Variants in SLC39A11 observed in about 807,000 individuals in gnomAD.
The protein encoded by SLC39A11 is zinc transporter ZIP11.
In SLC39A11, 33 loss-of-function variants were observed where a neutral mutation model predicts 36.1. That is an observed-to-expected ratio of 0.91 (90% CI 0.69 to 1.22). The LOEUF is 1.22. Among genes scored for constraint, SLC39A11 ranks in the 50% most tolerant of loss-of-function variants. SLC39A11 has a pLI of 0.00. For missense variants in SLC39A11, 432 were observed against 430.3 expected (o/e 1.00, Z -0.03); for synonymous variants, 166 against 170.3 (o/e 0.97, Z 0.20).
At chr17:72,733,637 C>T (rs1479303425) in intron 7 of SLC39A11, among the ~76,000 whole-genome samples, 1 of 152,146 alleles carries the variant, frequency 6.6e-6, no homozygotes, top group African/African-American at 2.4e-5. Flanking sequence ...ATGCTGAGGA[C>T]CACATGATTT....
chr17:72,829,867 C>T (rs1030928511), intron 6 of SLC39A11, among the ~76,000 whole-genome samples: 2 of 152,106 alleles, frequency 1.3e-5, no homozygotes, highest in Non-Finnish European at 2.9e-5. Context: ...TTGAGCCCCC[C>T]ACTCAGCTGA....
chr17:72,954,855 A>G (rs187698129), intron 4 of SLC39A11, among the ~76,000 whole-genome samples: 3 of 152,340 alleles, frequency 2.0e-5, no homozygotes, highest in Non-Finnish European at 4.4e-5. Context: ...AGAGTGGCAC[A>G]GACACTGAGG....
chr17:72,878,773 T>G (rs994820011), intron 5 of SLC39A11, among the ~76,000 whole-genome samples: 17 of 151,644 alleles, frequency 1.1e-4, no homozygotes, highest in Non-Finnish European at 1.9e-4. Context: ...CAACATGGAG[T>G]GGGGGTAATT....
At chr17:72,771,657 TA>T (rs952577341) in intron 6 of SLC39A11, among the ~76,000 whole-genome samples, 1 of 151,660 alleles carries the variant, frequency 6.6e-6, no homozygotes, top group Non-Finnish European at 1.5e-5. Context: ...AGATTCCTAA[TA>T]AAAAAAAGAC....
intron 3 of SLC39A11, among the ~76,000 whole-genome samples, chr17:73,070,967 G>A (rs1416347637): frequency 3.3e-5 from 5 of 152,144 alleles, no homozygotes; most frequent in Admixed American, 2.0e-4. Context: ...CACCTAGGGA[G>A]CTCTAAAAAT....
At chr17:72,654,648 T>C (rs1368377033) in intron 7 of SLC39A11, among the ~76,000 whole-genome samples, 1 of 152,226 alleles carries the variant, frequency 6.6e-6, no homozygotes, top group Non-Finnish European at 1.5e-5. Context: ...CCAGCTTCCT[T>C]GACCTTTTGC....
intron 7 of SLC39A11, among the ~76,000 whole-genome samples, chr17:72,688,867 T>C (rs11653866): frequency 0.68 from 103,519 of 152,052 alleles, 35,452 homozygotes; most frequent in East Asian, 0.76. Flanking sequence ...TCCAGAAATA[T>C]GGCTGCAGCT....
chr17:72,913,333 G>A (rs1030085307), intron 5 of SLC39A11, among the ~76,000 whole-genome samples: 2 of 152,212 alleles, frequency 1.3e-5, no homozygotes, highest in Non-Finnish European at 2.9e-5. Flanking sequence ...TCCCTGGAGA[G>A]ACAGGGACAA....
chr17:72,998,147 C>T (rs901620839), intron 4 of SLC39A11, among the ~76,000 whole-genome samples: 1 of 152,138 alleles, frequency 6.6e-6, no homozygotes, highest in East Asian at 1.9e-4. Flanking sequence ...TTTTGATTGA[C>T]GGCCCTCAGG....
intron 6 of SLC39A11, among the ~76,000 whole-genome samples, chr17:72,849,201 CAG>C (rs1322439409): frequency 5.9e-5 from 9 of 152,230 alleles, no homozygotes; most frequent in Non-Finnish European, 8.8e-5. Context: ...CTTGCTCTCT[CAG>C]GGGGCAGAGG....
rs577188761 is a variant in SLC39A11, at chr17:73,051,174, G to A, written c.148-19460C>T. On this transcript the variant is annotated intron_variant, in intron 3 of 9. Transcript: ENST00000255559. ...CTAGTGGCTGCCAGAAGCCCTCGGT[G>A]TTCCTTGACTTGTGGATACATCACT... is the stretch of plus-strand genomic sequence containing the variant. Among the ~76,000 whole-genome samples the A allele has an allele frequency of 1.3e-4, 20 of 152,258 alleles. No individual in the cohort carries two copies. In the South Asian group the frequency reaches 3.7e-3, roughly 28 times the overall value.
intron 3 of SLC39A11, chr17:73,067,864 G>A (rs2060043155): frequency 6.2e-7 from 1 of 1,604,868 alleles, no homozygotes; most frequent in Non-Finnish European, 8.5e-7. Flanking sequence ...TTTTCTTTGT[G>A]GTTCATCCCC....
intron 5 of SLC39A11, among the ~76,000 whole-genome samples, chr17:72,889,779 C>T (rs762366617): frequency 6.6e-6 from 1 of 152,202 alleles, no homozygotes; most frequent in Non-Finnish European, 1.5e-5. Context: ...CAAAGACTCA[C>T]TTGCACGGCA....
intron 4 of SLC39A11, among the ~76,000 whole-genome samples, chr17:72,989,256 G>A (rs1198589369): frequency 6.6e-6 from 1 of 152,226 alleles, no homozygotes; most frequent in Non-Finnish European, 1.5e-5. Flanking sequence ...AGAGGCTGCA[G>A]TCCCACAGCA....
At chr17:73,074,756 G>A (rs956086238) in intron 3 of SLC39A11, among the ~76,000 whole-genome samples, 3 of 152,164 alleles carry the variant, frequency 2.0e-5, no homozygotes, top group African/African-American at 7.2e-5. Context: ...ACCACTTGCT[G>A]CACAAAAGCA....
At chr17:72,971,403 C>T (rs1308667994) in intron 4 of SLC39A11, among the ~76,000 whole-genome samples, 2 of 152,058 alleles carry the variant, frequency 1.3e-5, no homozygotes, top group Admixed American at 1.3e-4. Context: ...CAGCTCTGGG[C>T]CCACTGCTCA....
At chr17:73,061,087 C>T (rs1465102918) in intron 3 of SLC39A11, among the ~76,000 whole-genome samples, 1 of 152,170 alleles carries the variant, frequency 6.6e-6, no homozygotes, top group Non-Finnish European at 1.5e-5. Flanking sequence ...ACTCACCGAG[C>T]GTGGTGGCTC....
intron 6 of SLC39A11, among the ~76,000 whole-genome samples, chr17:72,774,374 C>G (rs568355229): frequency 6.6e-6 from 1 of 152,226 alleles, no homozygotes; most frequent in African/African-American, 2.4e-5. Flanking sequence ...CCTTGCCTCC[C>G]TAGAAGGGTT....
Position 73,077,359 on chromosome 17 carries a change from C to T in SLC39A11, c.147+7449G>A, listed in dbSNP as rs191199343. Among the ~76,000 whole-genome samples, 77 of 152,326 alleles carry T rather than the reference C, an allele frequency of 5.1e-4. 1 individual carries two copies. The highest frequency in any genetic ancestry group is 8.1e-4 in the Non-Finnish European group (55 of 68,036). ...TGGGAGTGGGTTTCACTCCTATTGC[C>T]CAGGCTGGAGTGCAATGGCACGATC... On this transcript the variant is annotated intron_variant, in intron 3 of 9. Transcript: ENST00000255559.
Sources: gnomAD v4.1 joint callset for allele counts (sites outside exome capture counted in the v4.1 genomes callset) on GRCh38, gnomAD v4.1.1 for gene constraint, MANE v1.5 for transcripts, NCBI Gene and HGNC (gene_info 2026-07-23, HGNC 2026-07-21) for gene names.